The following PRH1 variants were observed in gnomAD, a reference collection of about 807,000 sequenced individuals.
PRH1 encodes the protein salivary acidic proline-rich phosphoprotein 1/2.
Under a neutral mutation model 7.9 loss-of-function variants are expected in PRH1, and 7 were observed. The ratio of observed to expected loss-of-function variants is 0.89; its 90% CI spans 0.50 to 1.67. The LOEUF is 1.67. Among genes scored for constraint, PRH1 ranks in the 40% most tolerant of loss-of-function variants. The pLI is 0.00. For missense variants in PRH1, 109 were observed against 223.6 expected (o/e 0.49, Z 3.27); for synonymous variants, 45 against 80.8 (o/e 0.56, Z 2.38).
rs77885092 is a variant in PRH1, at chr12:11,151,489, T to C, written n.39+19933A>G. 7.7e-3 allele frequency among the ~76,000 whole-genome samples: 1,176 copies of C among 152,304 alleles called. 24 individuals carry two copies. Among genetic ancestry groups the C allele is most frequent in the African/African-American group, 0.027 (1,132 of 41,542 alleles). On this transcript the variant is annotated intron_variant and non_coding_transcript_variant, in intron 1 of 1. Coordinates refer to the PRH1 transcript ENST00000541175. Reference sequence around the variant, plus strand: ...GGATAGAGACAGAAATTTCACAGTCTCCTTTTAAACACATACGAAGAAATC... The same window carrying C: ...GGATAGAGACAGAAATTTCACAGTCCCCTTTTAAACACATACGAAGAAATC...
chr12:10,972,928 A>ATCC (rs1555119295), intron 2 of PRH1, among the ~76,000 whole-genome samples: 109 of 100,346 alleles, frequency 1.1e-3, no homozygotes, highest in African/African-American at 4.0e-3. Flanking sequence ...AAGCACCACA[A>ATCC]CCCACCCCCC....
intron 1 of PRH1, among the ~76,000 whole-genome samples, chr12:11,122,192 G>A (rs963466185): frequency 6.6e-6 from 1 of 152,202 alleles, no homozygotes; most frequent in Non-Finnish European, 1.5e-5. Context: ...GGAGTTTCTT[G>A]CTCTTTTCCA....
intron 1 of PRH1, among the ~76,000 whole-genome samples, chr12:10,995,763 T>A (rs910497694): frequency 6.6e-6 from 1 of 151,570 alleles, no homozygotes; most frequent in South Asian, 2.1e-4. Context: ...TTCAAAAAGG[T>A]TTTTGTTTAA....
chr12:10,957,326 C>T (rs1439622102), intron 2 of PRH1, among the ~76,000 whole-genome samples: 1 of 152,026 alleles, frequency 6.6e-6, no homozygotes, highest in African/African-American at 2.4e-5. Context: ...AGACTCCCTG[C>T]TCTATAAATG....
At chr12:11,034,176 T>C (rs1312921578) in intron 1 of PRH1, among the ~76,000 whole-genome samples, 1 of 40,180 alleles carries the variant, frequency 2.5e-5, no homozygotes, top group Non-Finnish European at 5.9e-5. Context: ...TTCTGAAATT[T>C]AGTCACATAG....
chr12:11,079,431 A>AGC (rs1318006947), intron 1 of PRH1, among the ~76,000 whole-genome samples: 1,067 of 74,132 alleles, frequency 0.014, 3 homozygotes, highest in Admixed American at 0.019. Context: ...CCTTATCTAC[A>AGC]CTAAATCAGC....
intron 2 of PRH1, among the ~76,000 whole-genome samples, chr12:10,929,807 G>C (rs1015876681): frequency 1.3e-5 from 2 of 152,194 alleles, no homozygotes; most frequent in Non-Finnish European, 2.9e-5. Context: ...AGAATCACCA[G>C]AGTGAAATAT....
At chr12:10,899,844 C>A (rs1043422070) in intron 2 of PRH1, among the ~76,000 whole-genome samples, 1 of 152,034 alleles carries the variant, frequency 6.6e-6, no homozygotes, top group Non-Finnish European at 1.5e-5. Flanking sequence ...ATAAAATGGA[C>A]AAATTCCCTG....
chr12:10,984,231 A>G (rs1939497899), intron 1 of PRH1, among the ~76,000 whole-genome samples: 1 of 152,160 alleles, frequency 6.6e-6, no homozygotes, highest in Admixed American at 6.5e-5. Context: ...ATGTATCACA[A>G]TAGGTACAAG....
intron 2 of PRH1, among the ~76,000 whole-genome samples, chr12:10,897,745 A>G (rs1344152081): frequency 6.6e-6 from 1 of 152,044 alleles, no homozygotes; most frequent in African/African-American, 2.4e-5. Context: ...AAACAACCAA[A>G]TCTTGTGATA....
At chr12:11,133,840 C>T (rs1443711049) in intron 1 of PRH1, 1 of 1,614,108 alleles carries the variant, frequency 6.2e-7, no homozygotes. Context: ...ATAGCAAAGG[C>T]CCCAACAGTA....
At chr12:10,999,000 T>C (rs10772408) in intron 1 of PRH1, among the ~76,000 whole-genome samples, 80,955 of 151,926 alleles carry the variant, frequency 0.53, 23,387 homozygotes, top group East Asian at 0.96. Flanking sequence ...ATCATATGGC[T>C]CCTGCCTGAT....
chr12:11,140,072 T>C (rs1168573676), intron 1 of PRH1, among the ~76,000 whole-genome samples: 1 of 151,918 alleles, frequency 6.6e-6, no homozygotes, highest in South Asian at 2.1e-4. Context: ...TTATATATTA[T>C]ACATATTTAT....
intron 1 of PRH1, among the ~76,000 whole-genome samples, chr12:11,007,541 T>C (rs144938093): frequency 1.1e-4 from 16 of 152,268 alleles, no homozygotes; most frequent in Non-Finnish European, 2.2e-4. Flanking sequence ...TCAGCTGTTT[T>C]GTAAATACTC....
chr12:11,002,579 TACA>T (rs1940645409), intron 1 of PRH1, among the ~76,000 whole-genome samples: 1 of 152,104 alleles, frequency 6.6e-6, no homozygotes, highest in African/African-American at 2.4e-5. Context: ...TTATATAGCA[TACA>T]AACTGTATTT....
chr12:10,891,262 A>ATTGGGATGCTTTGGG (rs1949569364), intron 2 of PRH1, among the ~76,000 whole-genome samples: 1 of 152,228 alleles, frequency 6.6e-6, no homozygotes, highest in Non-Finnish European at 1.5e-5. Flanking sequence ...ATCTGAATGT[A>ATTGGGATGCTTTGGG]ACAACTTTGG....
intron 2 of PRH1, among the ~76,000 whole-genome samples, chr12:10,929,684 TG>T (rs1405976602): frequency 6.6e-5 from 10 of 152,156 alleles, no homozygotes; most frequent in Middle Eastern, 3.2e-3. Context: ...ACAGGGATGA[TG>T]GTGGCCTTGC....
At chr12:11,045,003 C>T (rs1942853006) in intron 1 of PRH1, among the ~76,000 whole-genome samples, 1 of 152,138 alleles carries the variant, frequency 6.6e-6, no homozygotes, top group African/African-American at 2.4e-5. Context: ...GGTATCTACA[C>T]TCCCATGTTT....
chr12:11,004,817 G>A (rs1331790978), intron 1 of PRH1, among the ~76,000 whole-genome samples: 1 of 151,838 alleles, frequency 6.6e-6, no homozygotes, highest in East Asian at 1.9e-4. Context: ...GCATATTGTA[G>A]GGGAAATTTC....
Sources: allele counts gnomAD v4.1 joint callset (sites outside exome capture counted in the v4.1 genomes callset), GRCh38; gene constraint gnomAD v4.1.1; transcripts MANE v1.5; gene names NCBI Gene and HGNC (gene_info 2026-07-23, HGNC 2026-07-21).